Variants in ITPRID1 observed in about 807,000 individuals in gnomAD.
ITPRID1 encodes ITPR interacting domain containing 1, also known as protein ITPRID1.
A neutral mutation model predicts 95.4 loss-of-function variants in ITPRID1; 96 were observed. That is an observed-to-expected ratio of 1.01 (90% CI 0.85 to 1.19). ITPRID1 has a LOEUF of 1.19. Among genes scored for constraint, ITPRID1 ranks in the 50% most tolerant of loss-of-function variants. The pLI is 0.00. For synonymous variants in ITPRID1, 510 were observed against 453.6 expected (o/e 1.12, Z -1.58); for missense variants, 1,339 against 1,252.9 (o/e 1.07, Z -1.04).
chr7:31,557,058 G>T (rs1001038998), intron 5 of ITPRID1, among the ~76,000 whole-genome samples: 1 of 151,762 alleles, frequency 6.6e-6, no homozygotes, highest in Non-Finnish European at 1.5e-5. Context: ...TTCTCCTTGT[G>T]AGTCTTTTCC....
chr7:31,545,385 T>A (rs959418538), intron 1 of ITPRID1, among the ~76,000 whole-genome samples: 1 of 151,530 alleles, frequency 6.6e-6, no homozygotes, highest in Non-Finnish European at 1.5e-5. Context: ...CTCCTCAAGA[T>A]GAAGCAAAGC....
chr7:31,516,262 CTGCGTGTGTG>C (rs1196751665), intron 1 of ITPRID1, among the ~76,000 whole-genome samples: 4 of 152,044 alleles, frequency 2.6e-5, no homozygotes, highest in Non-Finnish European at 4.4e-5. Flanking sequence ...TTGAAGGTTT[CTGCGTGTGTG>C]TGCATGTGTA....
chr7:31,645,077 G>T (rs1790349169), intron 12 of ITPRID1, among the ~76,000 whole-genome samples: 1 of 152,202 alleles, frequency 6.6e-6, no homozygotes. Flanking sequence ...AGAACTGAGA[G>T]AGTTTAAATA....
chr7:31,583,137 C>A lies in ITPRID1; in HGVS notation c.1174C>A (p.Gln392Lys), dbSNP rs753043368. ...GPDSFEMEEV[Q>K]SFEEETGNPL... ...TTGATGCATTTTGATATCTTAGGTC[C>A]AAAGCTTTGAAGAAGAGACTGGTAA... is the stretch of plus-strand genomic sequence containing the variant. Residue 392 changes from glutamine (Q) to lysine (K), a missense_variant, in exon 10 of 15, where the codon CAA (glutamine) becomes AAA (lysine). Transcript: ENST00000615280. 5 of 1,609,162 alleles carry A rather than the reference C, an allele frequency of 3.1e-6. No homozygotes were observed. Among genetic ancestry groups the A allele is most frequent in the South Asian group, 1.1e-5 (1 of 90,616 alleles).
chr7:31,549,309 A>G (rs961575411), intron 1 of ITPRID1, 117 bp from the exon 2 acceptor site: 3 of 606,008 alleles, frequency 5.0e-6, no homozygotes, highest in South Asian at 4.0e-5. Flanking sequence ...CTACTTCTCA[A>G]TCATCCAAAC....
At chr7:31,585,301 A>G (rs998019579) in intron 10 of ITPRID1, among the ~76,000 whole-genome samples, 3 of 152,194 alleles carry the variant, frequency 2.0e-5, no homozygotes, top group Admixed American at 6.6e-5. Flanking sequence ...GCCTCTGCTC[A>G]TGGGCAATAC....
intron 10 of ITPRID1, among the ~76,000 whole-genome samples, chr7:31,586,306 G>A (rs1357809685): frequency 6.8e-6 from 1 of 147,044 alleles, no homozygotes; most frequent in Non-Finnish European, 1.5e-5. Flanking sequence ...ACATACGTGT[G>A]CATGTGTCTT....
chr7:31,639,795 CA>C (rs1247656919), intron 10 of ITPRID1, among the ~76,000 whole-genome samples: 2 of 152,058 alleles, frequency 1.3e-5, no homozygotes, highest in Non-Finnish European at 2.9e-5. Context: ...CTCAGCCTCC[CA>C]AAGTGCTGGG....
rs180736658 is a variant in ITPRID1 at position 31,518,077 on chromosome 7, T to A, written c.-98+3957T>A. The A allele has an allele frequency of 1.6e-3, 237 of 152,404 alleles. 2 individuals are homozygous for A. The highest frequency in any genetic ancestry group is 6.7e-3 in the Middle Eastern group (2 of 298). The allele number at this position is 152,404 out of a possible 1,614,324, so 9.4% of individuals were successfully genotyped here. On this transcript the variant is annotated intron_variant, in intron 1 of 14. Transcript: ENST00000615280. ...GGGTGGGGCCAATGTCATAAAAAGG[T>A]CCAGATAAGAAAGAGGCAGAAGAGT...
chr7:31,583,976 T>A (rs1197311464), intron 10 of ITPRID1, among the ~76,000 whole-genome samples: 1 of 152,224 alleles, frequency 6.6e-6, no homozygotes, highest in Non-Finnish European at 1.5e-5. Context: ...AATGTTAAAC[T>A]CTCAGTGGAC....
intron 10 of ITPRID1, among the ~76,000 whole-genome samples, chr7:31,594,199 C>T (rs1190655320): frequency 6.6e-6 from 1 of 152,182 alleles, no homozygotes; most frequent in Admixed American, 6.5e-5. Context: ...GAGGAATAGG[C>T]TATACCATCT....
downstream of ITPRID1, chr7:31,658,180 G>A: frequency 1.7e-6 from 2 of 1,160,010 alleles, no homozygotes; most frequent in Non-Finnish European, 2.3e-6. Flanking sequence ...GTAGATTTGT[G>A]TAAGGATATT....
downstream of ITPRID1, chr7:31,658,542 C>A: frequency 2.1e-6 from 1 of 484,318 alleles, no homozygotes; most frequent in Non-Finnish European, 3.3e-6. Context: ...TGGTGGGTTG[C>A]ATACGTAATT....
In ITPRID1 at chr7:31,553,182, T is replaced by C. The variant is rs1420143409; in HGVS notation, c.158T>C (p.Met53Thr). Residue 53 changes from methionine to threonine, a missense_variant, in exon 3 of 15, where the codon ATG becomes ACG. Coordinates refer to ENST00000615280, the MANE Select transcript of ITPRID1 (RefSeq NM_001257967.3). ...EEESQSLTIP[M>T]LEDSKQESIQ... The stretch of plus-strand genomic sequence containing the variant: ...GAAAGCCAGAGTCTCACCATCCCCA[T>C]GCTGGGTGAGAAGGACTCTCAGGCC... 4 of 1,575,342 alleles carry C rather than the reference T, an allele frequency of 2.5e-6. No individual in the cohort carries two copies. In the African/African-American group the frequency reaches 5.4e-5, roughly 21 times the overall value.
rs781781964 is a variant in ITPRID1, at chr7:31,574,642, C to T, written c.498C>T (p.Ala166=). The T allele has an allele frequency of 1.9e-6, 3 of 1,613,940 alleles. No homozygotes were observed. In the Admixed American group the frequency reaches 5.0e-5, roughly 27 times the overall value. ...DEPDICMQIP[A]RFLGCGSAAR... is the part of the protein sequence containing the mutation. The stretch of plus-strand genomic sequence containing the variant: ...CAGACATCTGCATGCAAATCCCAGC[C>T]AGATTCCTTGGTTGTGGCTCAGCAG... The change falls in exon 8 of 15, where the codon GCC becomes GCT. Residue 166 remains alanine, a synonymous_variant. Coordinates refer to ENST00000615280, the MANE Select transcript of ITPRID1 (RefSeq NM_001257967.3).
chr7:31,545,499 T>G (rs1784068382), intron 1 of ITPRID1, among the ~76,000 whole-genome samples: 1 of 152,114 alleles, frequency 6.6e-6, no homozygotes, highest in Non-Finnish European at 1.5e-5. Context: ...GGGCTAGCAG[T>G]AGATGAATCA....
intron 1 of ITPRID1, among the ~76,000 whole-genome samples, chr7:31,542,369 A>C (rs1343026045): frequency 4.6e-5 from 7 of 152,096 alleles, no homozygotes; most frequent in Non-Finnish European, 7.4e-5. Flanking sequence ...TTCTTGCATA[A>C]ATTCCCTTTT....
intron 6 of ITPRID1, 52 bp downstream of exon 6, chr7:31,569,861 T>C: frequency 2.7e-6 from 4 of 1,457,898 alleles, no homozygotes; most frequent in Non-Finnish European, 3.7e-6. Context: ...AGCCACACCT[T>C]TGCTGAATAA....
At chr7:31,615,477 G>T (rs569998483) in intron 10 of ITPRID1, among the ~76,000 whole-genome samples, 19 of 152,100 alleles carry the variant, frequency 1.2e-4, no homozygotes, top group Non-Finnish European at 1.9e-4. Context: ...TACTATGGAC[G>T]CATCTTGAAG....
Sources: gnomAD v4.1 joint callset for allele counts (sites outside exome capture counted in the v4.1 genomes callset) on GRCh38, gnomAD v4.1.1 for gene constraint, MANE v1.5 for transcripts, NCBI Gene and HGNC (gene_info 2026-07-23, HGNC 2026-07-21) for gene names.